The following IL10RB variants were observed in gnomAD, a reference collection of about 807,000 sequenced individuals.
IL10RB encodes the protein interleukin-10 receptor subunit beta.
In IL10RB, 30 loss-of-function variants were observed where a neutral mutation model predicts 38.7. The observed-to-expected ratio is 0.78, with a 90% CI of 0.58 to 1.05. The LOEUF (loss-of-function observed/expected upper bound fraction) is 1.05, where lower values mean the gene tolerates loss of function less well. Among genes scored for constraint, IL10RB ranks in the 50% least tolerant of loss-of-function variants. IL10RB has a pLI of 0.00. For missense variants in IL10RB, 328 were observed against 397.1 expected (o/e 0.83, Z 1.48); for synonymous variants, 142 against 145.9 (o/e 0.97, Z 0.19).
chr21:33,294,900 G>A (rs537325368), intron 6 of IL10RB, among the ~76,000 whole-genome samples: 8 of 152,276 alleles, frequency 5.3e-5, no homozygotes, highest in East Asian at 3.9e-4. Flanking sequence ...TCAAAGCACC[G>A]GAGAGACAAA....
downstream of IL10RB, among the ~76,000 whole-genome samples, chr21:33,300,921 C>T (rs1601841185): frequency 6.6e-6 from 1 of 152,180 alleles, no homozygotes. Flanking sequence ...ACCCAGCTTG[C>T]GATCATTTGT....
At chr21:33,268,264 T>G in intron 1 of IL10RB, 130 bp from the exon 2 acceptor site, 1 of 1,556,996 alleles carries the variant, frequency 6.4e-7, no homozygotes, top group Non-Finnish European at 8.7e-7. Flanking sequence ...AACCTGTCTC[T>G]CCCTCCCTCA....
Position 33,279,779 on chromosome 21 carries a change from T to C in IL10RB, c.359T>C (p.Val120Ala). Residue 120 changes from valine to alanine, a missense_variant, in exon 4 of 7, where the codon GTA becomes GCA. Val to Ala is a moderately conservative substitution (Grantham distance 64). Coordinates refer to ENST00000290200, the MANE Select transcript of IL10RB (RefSeq NM_000628.5). Reference protein sequence around the residue: ...DTIIGPPGMQVEVLADSLHMR... With the variant: ...DTIIGPPGMQAEVLADSLHMR... ...ATTATTGGACCCCCTGGAATGCAAG[T>C]AGAAGTACTTGCTGATTCTTTACAT... The C allele has an allele frequency of 6.2e-7, 1 of 1,614,014 alleles. No individual in the cohort carries two copies. The highest frequency in any genetic ancestry group is 8.5e-7 in the Non-Finnish European group (1 of 1,179,850).
chr21:33,309,600 A>T, exon 2 of IL10RB: 1 of 152,216 alleles, frequency 6.6e-6, no homozygotes, highest in East Asian at 1.9e-4. Context: ...ACAAACAAAA[A>T]AATTGTGACC....
intron 3 of IL10RB, among the ~76,000 whole-genome samples, chr21:33,279,158 T>C (rs1192715177): frequency 1.3e-5 from 2 of 152,202 alleles, no homozygotes; most frequent in African/African-American, 2.4e-5. Flanking sequence ...GCTGCACTTC[T>C]ACATAGAATG....
At chr21:33,293,117 C>A (rs1989521960) in intron 6 of IL10RB, among the ~76,000 whole-genome samples, 1 of 152,224 alleles carries the variant, frequency 6.6e-6, no homozygotes, top group South Asian at 2.1e-4. Context: ...AGGGTCCCCT[C>A]AAATATCACA....
intron 5 of IL10RB, among the ~76,000 whole-genome samples, chr21:33,286,868 TA>T: frequency 6.6e-6 from 1 of 151,504 alleles, no homozygotes; most frequent in Non-Finnish European, 1.5e-5. Context: ...TGAAAATAAA[TA>T]AAAGGAGAAT....
chr21:33,293,636 C>T (rs1406926759), intron 6 of IL10RB, among the ~76,000 whole-genome samples: 1 of 152,182 alleles, frequency 6.6e-6, no homozygotes, highest in Non-Finnish European at 1.5e-5. Flanking sequence ...GCCTGGCCAA[C>T]ATGGTGAAAC....
chr21:33,301,386 G>T (rs536330389), downstream of IL10RB, among the ~76,000 whole-genome samples: 4 of 152,126 alleles, frequency 2.6e-5, no homozygotes, highest in Non-Finnish European at 5.9e-5. Context: ...CTGACTATTG[G>T]GCTGGCACTT....
chr21:33,298,609 A>G (rs8178576), downstream of IL10RB, among the ~76,000 whole-genome samples: 2 of 152,076 alleles, frequency 1.3e-5, no homozygotes, highest in East Asian at 3.9e-4. Context: ...GCGAGACTCC[A>G]TCTCTAAATA....
chr21:33,283,000 C>T, intron 4 of IL10RB, 94 bp from the exon 5 acceptor site: 2 of 1,037,478 alleles, frequency 1.9e-6, no homozygotes, highest in Non-Finnish European at 3.0e-6. Flanking sequence ...TATTTTAAGT[C>T]TAAAACGGCT....
chr21:33,304,190 G>A (rs983715556), intron 1 of IL10RB, among the ~76,000 whole-genome samples: 16 of 152,224 alleles, frequency 1.1e-4, no homozygotes, highest in African/African-American at 2.4e-4. Flanking sequence ...ACAGCACAGC[G>A]CTGTTGGCCA....
chr21:33,279,098 A>G (rs1456257837), intron 3 of IL10RB, among the ~76,000 whole-genome samples: 1 of 152,216 alleles, frequency 6.6e-6, no homozygotes, highest in Non-Finnish European at 1.5e-5. Flanking sequence ...GGTAGTGACT[A>G]TGGTTCTTAA....
At chr21:33,295,611 G>A (rs936224681) in intron 6 of IL10RB, among the ~76,000 whole-genome samples, 18 of 144,520 alleles carry the variant, frequency 1.2e-4, no homozygotes, top group African/African-American at 4.6e-4. Context: ...GGCAAAGGTT[G>A]CAGTGAGCCA....
chr21:33,282,724 A>G (rs1989302638), intron 4 of IL10RB, among the ~76,000 whole-genome samples: 1 of 152,076 alleles, frequency 6.6e-6, no homozygotes, highest in East Asian at 1.9e-4. Context: ...AATTTTTTGT[A>G]TATTTAGTAG....
chr21:33,275,157 T>C (rs1031961016), intron 2 of IL10RB, among the ~76,000 whole-genome samples: 77 of 146,912 alleles, frequency 5.2e-4, no homozygotes, highest in South Asian at 4.5e-4. Context: ...CTTTTCTTTT[T>C]TTTTTTTTTT....
intron 4 of IL10RB, 75 bp downstream of exon 4, chr21:33,279,993 C>G (rs1989251594): frequency 1.5e-6 from 2 of 1,322,026 alleles, no homozygotes; most frequent in African/African-American, 1.4e-5. Flanking sequence ...GTGGCAGCAC[C>G]TTATGGACTG....
In IL10RB at chr21:33,296,471, C is replaced by T. The variant is rs2082967008; in HGVS notation, c.*114C>T. On this transcript the variant is annotated 3_prime_UTR_variant, in exon 7 of 7. Transcript: ENST00000290200. ...GCCAAGACCATCTGAGCCAGCCCCACATCTAGAACTCCCAGACCCTGGACT... is the reference window on the plus strand; with the variant it reads ...GCCAAGACCATCTGAGCCAGCCCCATATCTAGAACTCCCAGACCCTGGACT... The T allele has an allele frequency of 1.0e-6, 1 of 1,004,046 alleles. No individual in the cohort carries two copies. The highest frequency in any genetic ancestry group is 1.5e-6 in the Non-Finnish European group (1 of 656,194). The allele number at this position is 1,004,046 out of a possible 1,614,324, so 62.2% of individuals were successfully genotyped here. A position where few individuals can be genotyped will look rare whatever the true frequency, so the allele number is the denominator to read the frequency against.
In IL10RB at chr21:33,296,261, G is replaced by C; in HGVS notation, c.882G>C (p.Lys294Asn). ...CGGATGAGAATGATGTTTTTGACAA[G>C]CTAAGTGTCATTGCAGAAGACTCTG... ...PLSDENDVFD[K>N]LSVIAEDSES... Residue 294 changes from lysine to asparagine, a missense_variant, in exon 7 of 7, where the codon AAG becomes AAC. Lys to Asn is a moderately conservative substitution (Grantham distance 94, BLOSUM62 0). Coordinates refer to ENST00000290200, the MANE Select transcript of IL10RB (RefSeq NM_000628.5). The C allele has an allele frequency of 6.2e-7, 1 of 1,614,052 alleles. No homozygotes were observed. Among genetic ancestry groups the C allele is most frequent in the Non-Finnish European group, 8.5e-7 (1 of 1,179,958 alleles).
Sources: allele counts gnomAD v4.1 joint callset (sites outside exome capture counted in the v4.1 genomes callset), GRCh38; gene constraint gnomAD v4.1.1; transcripts MANE v1.5; gene names NCBI Gene and HGNC (gene_info 2026-07-23, HGNC 2026-07-21).